Variants in MTREX observed in about 807,000 individuals in gnomAD.
MTREX encodes the protein exosome RNA helicase MTR4.
MTREX carries 76 observed loss-of-function variants against 135.4 expected under a neutral mutation model. That is an observed-to-expected ratio of 0.56 (90% CI 0.47 to 0.68). The LOEUF (loss-of-function observed/expected upper bound fraction) is 0.68. Among genes scored for constraint, MTREX ranks in the 30% least tolerant of loss-of-function variants. The pLI is 0.00. For missense variants in MTREX, 920 were observed against 1,262.1 expected (o/e 0.73, Z 4.11); for synonymous variants, 404 against 401.6 (o/e 1.01, Z -0.07).
intron 1 of MTREX, among the ~76,000 whole-genome samples, chr5:55,313,614 T>A (rs1357578693): frequency 1.3e-5 from 2 of 152,234 alleles, no homozygotes; most frequent in African/African-American, 4.8e-5. Context: ...CTGTAGTAGT[T>A]CTTTTCTCTA....
intron 1 of MTREX, among the ~76,000 whole-genome samples, chr5:55,317,882 A>G (rs1054226118): frequency 6.6e-6 from 1 of 152,250 alleles, no homozygotes; most frequent in Non-Finnish European, 1.5e-5. Flanking sequence ...TATGCATTTG[A>G]CAAAGGTCTA....
intron 16 of MTREX, among the ~76,000 whole-genome samples, chr5:55,374,147 A>T (rs1240299310): frequency 1.3e-5 from 2 of 151,818 alleles, no homozygotes; most frequent in African/African-American, 4.8e-5. Context: ...AATTCCAGTT[A>T]CTCAGAAGGC....
intron 14 of MTREX, chr5:55,357,010 G>A (rs1176336442): frequency 6.5e-6 from 1 of 154,994 alleles, no homozygotes; most frequent in African/African-American, 2.4e-5. Flanking sequence ...GGAACCCTTG[G>A]TGATGATGTG....
At chr5:55,402,471 AGG>A (rs1750736905) in intron 21 of MTREX, among the ~76,000 whole-genome samples, 1 of 152,162 alleles carries the variant, frequency 6.6e-6, no homozygotes, top group Non-Finnish European at 1.5e-5. Context: ...GCATCCTTGG[AGG>A]TGGTTTGAAG....
At chr5:55,416,158 A>G (rs1561213669) in intron 25 of MTREX, 26 bp downstream of exon 25, 4 of 1,453,612 alleles carry the variant, frequency 2.8e-6, no homozygotes, top group Admixed American at 2.2e-5. Context: ...ACACATATAT[A>G]TTTACAGTAT....
chr5:55,334,718 G>A (rs991986750), intron 5 of MTREX, among the ~76,000 whole-genome samples: 1 of 151,996 alleles, frequency 6.6e-6, no homozygotes, highest in Non-Finnish European at 1.5e-5. Context: ...GTTCTCTTAT[G>A]TGTGTTTACA....
At chr5:55,360,459 C>G (rs1749989501) in intron 15 of MTREX, among the ~76,000 whole-genome samples, 1 of 150,878 alleles carries the variant, frequency 6.6e-6, no homozygotes, top group Non-Finnish European at 1.5e-5. Flanking sequence ...TTTCTCCTGA[C>G]TGTGTACCTA....
intron 8 of MTREX, among the ~76,000 whole-genome samples, chr5:55,343,794 T>C (rs1277729696): frequency 6.6e-6 from 1 of 152,170 alleles, no homozygotes; most frequent in African/African-American, 2.4e-5. Context: ...TACACAGAAT[T>C]TCCCCTAATG....
At chr5:55,337,177 A>G (rs1202397317) in intron 5 of MTREX, among the ~76,000 whole-genome samples, 1 of 152,086 alleles carries the variant, frequency 6.6e-6, no homozygotes, top group African/African-American at 2.4e-5. Flanking sequence ...TTGGAATGCA[A>G]TGGCATAATC....
At chr5:55,424,698 A>G (rs1751121393) in intron 26 of MTREX, 22 bp from the exon 27 acceptor site, 1 of 1,590,152 alleles carries the variant, frequency 6.3e-7, no homozygotes, top group African/African-American at 1.3e-5. Flanking sequence ...GAAAGTTTAA[A>G]CCTTACTTTC....
chr5:55,394,082 T>G (rs1187244003), intron 19 of MTREX, among the ~76,000 whole-genome samples: 1 of 152,230 alleles, frequency 6.6e-6, no homozygotes, highest in Non-Finnish European at 1.5e-5. Context: ...GAATCTCGTC[T>G]TCACAAAATA....
At chr5:55,323,433 T>C (rs539865938) in intron 2 of MTREX, among the ~76,000 whole-genome samples, 157 of 152,278 alleles carry the variant, frequency 1.0e-3, no homozygotes, top group African/African-American at 3.8e-3. Flanking sequence ...AGGAACTTTT[T>C]TTTTTTGAGA....
chr5:55,365,033 T>C (rs547507644), intron 15 of MTREX, among the ~76,000 whole-genome samples: 4 of 152,322 alleles, frequency 2.6e-5, no homozygotes, highest in African/African-American at 9.6e-5. Flanking sequence ...CTGGGCTTAC[T>C]TGGGTAGAAT....
chr5:55,345,541 G>T (rs145157444), intron 10 of MTREX, among the ~76,000 whole-genome samples: 5 of 151,572 alleles, frequency 3.3e-5, no homozygotes, highest in African/African-American at 9.7e-5. Flanking sequence ...TTCTCATCCC[G>T]CAGACTTAGT....
At position 55,343,324 on chromosome 5, in the gene MTREX, T is replaced by A; in HGVS notation, c.782-7T>A. 6.2e-7 allele frequency: 1 copy of A among 1,602,600 alleles called. No individual in the cohort carries two copies. The highest frequency in any genetic ancestry group is 8.5e-7 in the Non-Finnish European group (1 of 1,175,174). On this transcript the variant is annotated splice_region_variant and splice_polypyrimidine_tract_variant and intron_variant, in intron 7 of 26. Transcript: ENST00000230640. ...TATAGTCCAAAGTATATATTTATTT[T>A]TTTCAGAACGTGGTGTAGTATGGGA...
chr5:55,346,940 A>G, intron 10 of MTREX, 73 bp from the exon 11 acceptor site: 1 of 1,228,098 alleles, frequency 8.1e-7, no homozygotes, highest in Non-Finnish European at 1.1e-6. Flanking sequence ...AAAGTTTTAT[A>G]GTTTTAGCTT....
chr5:55,388,135 G>T, intron 19 of MTREX, 33 bp downstream of exon 19: 1 of 1,569,540 alleles, frequency 6.4e-7, no homozygotes, highest in South Asian at 1.2e-5. Context: ...TCTGATTTCA[G>T]ATATTCTGTA....
intron 9 of MTREX, 60 bp downstream of exon 9, chr5:55,344,680 T>C: frequency 1.0e-6 from 1 of 969,188 alleles, no homozygotes; most frequent in Non-Finnish European, 1.5e-6. Context: ...TAATATCTTG[T>C]TGTTGTTGTT....
intron 15 of MTREX, among the ~76,000 whole-genome samples, chr5:55,360,008 T>G (rs1020681718): frequency 6.6e-6 from 1 of 152,160 alleles, no homozygotes; most frequent in African/African-American, 2.4e-5. Context: ...TTCATAGAGT[T>G]TTGTCACCAT....
Sources: gnomAD v4.1 joint callset for allele counts (sites outside exome capture counted in the v4.1 genomes callset) on GRCh38, gnomAD v4.1.1 for gene constraint, MANE v1.5 for transcripts, NCBI Gene and HGNC (gene_info 2026-07-23, HGNC 2026-07-21) for gene names.